RORA: variants seen among roughly 807,000 people sequenced by gnomAD.
RORA encodes the protein nuclear receptor ROR-alpha.
In RORA, 7 loss-of-function variants were observed where a neutral mutation model predicts 69.5. That is an observed-to-expected ratio of 0.10 (90% confidence interval 0.06 to 0.19). The LOEUF (loss-of-function observed/expected upper bound fraction) is 0.19. Ranked by LOEUF, RORA falls within the 10% of genes least tolerant of loss-of-function variation. The pLI is 1.00. For synonymous variants in RORA, 261 were observed against 240.8 expected (o/e 1.08, Z -0.78); for missense variants, 457 against 663.0 (o/e 0.69, Z 3.41).
chr15:60,773,125 T>G (rs1014342906), intron 1 of RORA, among the ~76,000 whole-genome samples: 3 of 152,094 alleles, frequency 2.0e-5, no homozygotes, highest in African/African-American at 7.2e-5. Context: ...GACAGCTCAT[T>G]TGCACCTGAA....
Position 60,497,444 on chromosome 15 carries a change from G to A in RORA, c.*11C>T. 6.2e-7 allele frequency: 1 copy of A among 1,612,152 alleles called. No homozygotes were observed. ...ACTTCAGACATTCTAGAAGTGCTTA[G>A]GTGATAACATTTACCCATCAATTTG... On this transcript the variant is annotated 3_prime_UTR_variant, in exon 11 of 11. Transcript: ENST00000335670.
At chr15:60,637,046 G>A (rs186203141) in intron 2 of RORA, among the ~76,000 whole-genome samples, 3 of 151,842 alleles carry the variant, frequency 2.0e-5, no homozygotes, top group African/African-American at 7.3e-5. Flanking sequence ...CATGGTTTTT[G>A]TGTGCATTAA....
Position 60,844,531 on chromosome 15 carries a change from G to A in RORA, c.167-165845C>T, listed in dbSNP as rs866937254. On this transcript the variant is annotated intron_variant, in intron 1 of 10. Transcript: ENST00000335670. ...CCACGAGCAAGCCTCCACGCATGTCGAATGCACACTTGTATGCATGCACAC... is the reference window on the plus strand; with the variant it reads ...CCACGAGCAAGCCTCCACGCATGTCAAATGCACACTTGTATGCATGCACAC... 7.2e-5 allele frequency among the ~76,000 whole-genome samples: 11 copies of A among 152,190 alleles called. No homozygotes were observed. In the Middle Eastern group the frequency reaches 0.01, roughly 141 times the overall value.
intron 1 of RORA, among the ~76,000 whole-genome samples, chr15:61,184,516 C>T (rs1214302871): frequency 4.6e-5 from 7 of 152,252 alleles, no homozygotes; most frequent in South Asian, 2.1e-4. Flanking sequence ...AATTCTGTTT[C>T]GGTAGTTGTA....
intron 2 of RORA, among the ~76,000 whole-genome samples, chr15:60,635,756 A>G (rs1262499497): frequency 6.6e-6 from 1 of 152,134 alleles, no homozygotes; most frequent in Non-Finnish European, 1.5e-5. Context: ...CACGCTGAAG[A>G]TCGTTAGGGT....
At chr15:60,516,223 TTA>T (rs1220587622) in intron 3 of RORA, among the ~76,000 whole-genome samples, 2,450 of 11,842 alleles carry the variant, frequency 0.21, 372 homozygotes, top group African/African-American at 0.37. Context: ...ATATATATAT[TTA>T]TATATATATT....
chr15:60,527,181 A>G (rs1026371849), intron 3 of RORA, among the ~76,000 whole-genome samples: 1 of 152,230 alleles, frequency 6.6e-6, no homozygotes, highest in Non-Finnish European at 1.5e-5. Context: ...ATCGTGCATT[A>G]TCATTAAAAA....
At chr15:60,558,380 T>C in intron 2 of RORA, 3 of 913,670 alleles carry the variant, frequency 3.3e-6, no homozygotes, top group South Asian at 1.5e-5. Context: ...GCCTTGTTTA[T>C]TACAAAACAG....
chr15:60,539,064 A>C (rs2066775506), intron 2 of RORA, among the ~76,000 whole-genome samples: 1 of 151,796 alleles, frequency 6.6e-6, no homozygotes, highest in African/African-American at 2.4e-5. Flanking sequence ...TTGTGAACTA[A>C]ATTTAAAATA....
intron 1 of RORA, among the ~76,000 whole-genome samples, chr15:60,891,804 T>C (rs1176657706): frequency 6.6e-6 from 1 of 152,230 alleles, no homozygotes; most frequent in Non-Finnish European, 1.5e-5. Context: ...TTCTTTGTGC[T>C]AAGAAAATCC....
intron 1 of RORA, among the ~76,000 whole-genome samples, chr15:61,206,529 C>T (rs183315184): frequency 8.5e-4 from 130 of 152,288 alleles, no homozygotes; most frequent in African/African-American, 3.1e-3. Flanking sequence ...TAGCAATAAT[C>T]AACTATGATA....
rs1042139075 is a variant in RORA at position 60,935,948 on chromosome 15, C to A, written c.167-257262G>T. On this transcript the variant is annotated intron_variant, in intron 1 of 10. Transcript: ENST00000335670. ...CAATGATCCCAAAATAAGTTTGAGC[C>A]CAAATCTCTTTGAGTTGGGCAAACT... is the stretch of plus-strand genomic sequence containing the variant. Among the ~76,000 whole-genome samples, 9 of 152,160 alleles carry A rather than the reference C, an allele frequency of 5.9e-5. No homozygotes were observed. The East Asian group carries it at 1.5e-3, about 26-fold the overall frequency.
chr15:60,919,384 T>C (rs1891973206), intron 1 of RORA, among the ~76,000 whole-genome samples: 1 of 152,196 alleles, frequency 6.6e-6, no homozygotes, highest in Non-Finnish European at 1.5e-5. Flanking sequence ...AGCAGATAAA[T>C]GGCAGAGCCA....
At chr15:60,802,132 A>G (rs2072591080) in intron 1 of RORA, among the ~76,000 whole-genome samples, 1 of 152,156 alleles carries the variant, frequency 6.6e-6, no homozygotes, top group Non-Finnish European at 1.5e-5. Flanking sequence ...AGTAGGGAAG[A>G]TTTGAGAGAA....
At chr15:60,568,064 A>T (rs2067768209) in intron 2 of RORA, among the ~76,000 whole-genome samples, 1 of 152,182 alleles carries the variant, frequency 6.6e-6, no homozygotes, top group East Asian at 1.9e-4. Context: ...TAATCAAAAA[A>T]TCTCTCTAGA....
intron 3 of RORA, among the ~76,000 whole-genome samples, chr15:60,526,726 A>G (rs2066369402): frequency 6.6e-6 from 1 of 152,242 alleles, no homozygotes; most frequent in Non-Finnish European, 1.5e-5. Flanking sequence ...TAAAATAAAA[A>G]TGAGCATGAA....
intron 2 of RORA, among the ~76,000 whole-genome samples, chr15:60,609,118 A>C (rs2069022222): frequency 6.6e-6 from 1 of 152,192 alleles, no homozygotes; most frequent in Non-Finnish European, 1.5e-5. Flanking sequence ...AGGTCTAGGC[A>C]GGCTGATTCA....
At chr15:60,745,276 C>A (rs2071631048) in intron 1 of RORA, among the ~76,000 whole-genome samples, 1 of 152,220 alleles carries the variant, frequency 6.6e-6, no homozygotes, top group Admixed American at 6.5e-5. Context: ...GAGGCAACGG[C>A]TAGGCTGAAG....
chr15:60,798,639 C>A (rs1018967721), intron 1 of RORA, among the ~76,000 whole-genome samples: 3 of 151,862 alleles, frequency 2.0e-5, no homozygotes, highest in Non-Finnish European at 4.4e-5. Context: ...AAGCCTGGAG[C>A]CATGGGAAGT....
Sources: gnomAD v4.1 joint callset for allele counts (sites outside exome capture counted in the v4.1 genomes callset) on GRCh38, gnomAD v4.1.1 for gene constraint, MANE v1.5 for transcripts, NCBI Gene and HGNC (gene_info 2026-07-23, HGNC 2026-07-21) for gene names.